Variants in RYR2 observed in about 807,000 individuals in gnomAD.
RYR2 encodes cardiac muscle ryanodine receptor-calcium release channel.
Under a neutral mutation model 601.1 loss-of-function variants are expected in RYR2, and 227 were observed. That is an observed-to-expected ratio of 0.38 (90% CI 0.34 to 0.42). The LOEUF is 0.42. RYR2 is among the 10% of genes least tolerant of loss of function. The probability of loss-of-function intolerance (pLI) is 1.00; values close to 1 mark genes in which losing one functional copy is unlikely to be tolerated. For synonymous variants in RYR2, 2,223 were observed against 2,175.1 expected (o/e 1.02, Z -0.61); for missense variants, 4,646 against 6,156.5 (o/e 0.75, Z 8.21).
chr1:237,466,899 T>C (rs1310780367), intron 16 of RYR2, among the ~76,000 whole-genome samples: 3 of 151,892 alleles, frequency 2.0e-5, no homozygotes, highest in Admixed American at 6.5e-5. Flanking sequence ...TATGCTTTGG[T>C]TTTATTTTCA....
intron 1 of RYR2, among the ~76,000 whole-genome samples, chr1:237,105,090 T>C (rs958809648): frequency 6.6e-6 from 1 of 152,134 alleles, no homozygotes; most frequent in Non-Finnish European, 1.5e-5. Context: ...CTTCCTGACA[T>C]GAGTCTCAGT....
intron 73 of RYR2, among the ~76,000 whole-genome samples, chr1:237,718,850 C>T (rs1334941511): frequency 6.6e-6 from 1 of 152,076 alleles, no homozygotes; most frequent in Non-Finnish European, 1.5e-5. Flanking sequence ...CATATGTATA[C>T]ATGTGCCATG....
At chr1:237,593,296 G>T (rs963091124) in intron 32 of RYR2, among the ~76,000 whole-genome samples, 180 bp from the exon 33 acceptor site, 1 of 152,064 alleles carries the variant, frequency 6.6e-6, no homozygotes, top group South Asian at 2.1e-4. Context: ...GGTAAAAGAC[G>T]TTTCTTAGTT....
Position 237,374,793 on chromosome 1 carries a change from C to T in RYR2, c.461C>T (p.Thr154Ile). Residue 154 changes from threonine to isoleucine, a missense_variant and splice_region_variant, in exon 7 of 105, where the codon ACA (threonine) becomes ATA (isoleucine). Thr to Ile is a moderately conservative substitution (Grantham distance 89). Coordinates refer to ENST00000366574, the MANE Select transcript of RYR2 (RefSeq NM_001035.3). The part of the protein sequence containing the change: ...AFDVGLQEDT[T>I]GEACWWTIHP... ...GATGTTGGCTTGCAAGAGGACACCA[C>T]AGGTAAGCATCTTGTGCTGCGGGAA... 1.2e-6 allele frequency: 2 copies of T among 1,610,876 alleles called. No individual in the cohort carries two copies. The highest frequency in any genetic ancestry group is 4.5e-5 in the East Asian group (2 of 44,838).
chr1:237,279,473 G>T (rs1444688671), intron 2 of RYR2, among the ~76,000 whole-genome samples: 1 of 152,160 alleles, frequency 6.6e-6, no homozygotes, highest in East Asian at 1.9e-4. Flanking sequence ...GTGAGACTCT[G>T]TCTCAATCAA....
intron 34 of RYR2, among the ~76,000 whole-genome samples, chr1:237,598,049 T>G (rs948401798): frequency 3.9e-5 from 6 of 152,092 alleles, no homozygotes; most frequent in African/African-American, 1.2e-4. Context: ...TAAAATAGAC[T>G]TAATTCAAAA....
chr1:237,094,307 C>A (rs1050765541), intron 1 of RYR2, among the ~76,000 whole-genome samples: 1 of 152,226 alleles, frequency 6.6e-6, no homozygotes, highest in African/African-American at 2.4e-5. Context: ...CGTAGTTACA[C>A]TTTAACTTCC....
At chr1:237,626,779 G>A (rs766436218) in intron 40 of RYR2, among the ~76,000 whole-genome samples, 17 of 151,076 alleles carry the variant, frequency 1.1e-4, no homozygotes, top group Non-Finnish European at 2.2e-4. Flanking sequence ...TTACCATGAT[G>A]GCCAGGCTGG....
intron 27 of RYR2, among the ~76,000 whole-genome samples, chr1:237,554,819 T>C (rs2779388): frequency 0.34 from 51,104 of 151,944 alleles, 9,494 homozygotes; most frequent in East Asian, 0.49. Flanking sequence ...GGATCTTTAA[T>C]GATATCTCTC....
intron 84 of RYR2, among the ~76,000 whole-genome samples, chr1:237,765,642 C>G (rs1438552874): frequency 2.0e-5 from 3 of 152,140 alleles, no homozygotes; most frequent in Admixed American, 2.0e-4. Flanking sequence ...TATGGGCTAC[C>G]TTTTCCTCAA....
intron 62 of RYR2, among the ~76,000 whole-genome samples, chr1:237,686,352 T>A (rs1170169756): frequency 2.0e-5 from 3 of 152,088 alleles, no homozygotes; most frequent in African/African-American, 7.2e-5. Flanking sequence ...CTTGTATTGG[T>A]AGAGATTTGC....
At chr1:237,616,489 T>C (rs1279527753) in intron 37 of RYR2, among the ~76,000 whole-genome samples, 1 of 152,172 alleles carries the variant, frequency 6.6e-6, no homozygotes, top group Non-Finnish European at 1.5e-5. Context: ...TCTTAATATT[T>C]TTCTGCTCTG....
intron 1 of RYR2, among the ~76,000 whole-genome samples, chr1:237,217,369 C>T (rs931156247): frequency 2.0e-5 from 3 of 151,506 alleles, no homozygotes; most frequent in African/African-American, 7.3e-5. Context: ...GTGCATGTAC[C>T]TAAAGTGACC....
chr1:237,176,690 T>C (rs1406948898), intron 1 of RYR2, among the ~76,000 whole-genome samples: 3 of 152,230 alleles, frequency 2.0e-5, no homozygotes, highest in Non-Finnish European at 4.4e-5. Flanking sequence ...ATTCTGTGCC[T>C]TGGCAACTAC....
At chr1:237,283,519 A>T (rs1253529127) in intron 2 of RYR2, among the ~76,000 whole-genome samples, 1 of 152,168 alleles carries the variant, frequency 6.6e-6, no homozygotes, top group Non-Finnish European at 1.5e-5. Flanking sequence ...AAGGAAGTAG[A>T]GCCTCAATAA....
At chr1:237,161,489 TCTCTAAGA>T (rs1487303435) in intron 1 of RYR2, among the ~76,000 whole-genome samples, 2,022 of 152,250 alleles carry the variant, frequency 0.013, 45 homozygotes, top group African/African-American at 0.045. Context: ...TAAAAAATTG[TCTCTAAGA>T]ATGCTGTTTC....
intron 2 of RYR2, among the ~76,000 whole-genome samples, chr1:237,283,415 A>G (rs1394836267): frequency 6.6e-6 from 1 of 152,032 alleles, no homozygotes; most frequent in Non-Finnish European, 1.5e-5. Flanking sequence ...GTGTCCCTTT[A>G]CATTTACTTT....
At chr1:237,397,397 C>G (rs889864034) in intron 10 of RYR2, among the ~76,000 whole-genome samples, 2 of 152,008 alleles carry the variant, frequency 1.3e-5, no homozygotes, top group African/African-American at 4.8e-5. Context: ...GTCCCGAGGC[C>G]GTTATGTCAC....
At chr1:237,782,755 C>T (rs1461842614) in intron 89 of RYR2, among the ~76,000 whole-genome samples, 1 of 152,126 alleles carries the variant, frequency 6.6e-6, no homozygotes, top group African/African-American at 2.4e-5. Flanking sequence ...CTTATTTAAT[C>T]CTAGTAACAA....
Sources: allele counts gnomAD v4.1 joint callset (sites outside exome capture counted in the v4.1 genomes callset), GRCh38; gene constraint gnomAD v4.1.1; transcripts MANE v1.5; gene names NCBI Gene and HGNC (gene_info 2026-07-23, HGNC 2026-07-21).